ADAMTSL1: variants seen among roughly 807,000 people sequenced by gnomAD.
ADAMTSL1 encodes the protein ADAMTS like 1.
In ADAMTSL1, 126 loss-of-function variants were observed where a neutral mutation model predicts 201.8. That is an observed-to-expected ratio of 0.62 (90% confidence interval 0.54 to 0.72). The LOEUF (loss-of-function observed/expected upper bound fraction) is 0.72. Ranked by LOEUF, ADAMTSL1 falls within the 30% of genes least tolerant of loss-of-function variation. The pLI is 0.00. For missense variants in ADAMTSL1, 2,679 were observed against 2,277.8 expected, an observed-to-expected ratio of 1.18 and a Z score of -3.59; for synonymous variants, 1,121 against 903.4, an observed-to-expected ratio of 1.24 and a Z score of -4.32.
chr9:18,688,356 G>A (rs914149505), intron 13 of ADAMTSL1, among the ~76,000 whole-genome samples: 2 of 151,412 alleles, frequency 1.3e-5, no homozygotes, highest in Admixed American at 6.6e-5. Flanking sequence ...TTGAACTCCT[G>A]ACCTCAGGTG....
At position 18,022,903 on chromosome 9, in the gene ADAMTSL1, G is replaced by C. The variant is rs75045501; in HGVS notation, c.87+115981G>C. Among the ~76,000 whole-genome samples the C allele has an allele frequency of 9.8e-3, 1,496 of 152,142 alleles. 21 individuals are homozygous for C. Among genetic ancestry groups the C allele is most frequent in the African/African-American group, 0.034 (1,420 of 41,520 alleles). On this transcript the variant is annotated intron_variant, in intron 1 of 29. Transcript: ENST00000680146. Reference sequence around the variant, plus strand: ...CCCTATCATGTTGCCTAGGTAAGAAGTGATCAAGATCACCAGCTCACTGGC... The same window carrying C: ...CCCTATCATGTTGCCTAGGTAAGAACTGATCAAGATCACCAGCTCACTGGC...
At chr9:18,825,866 C>T (rs921603025) in intron 21 of ADAMTSL1, among the ~76,000 whole-genome samples, 4 of 151,974 alleles carry the variant, frequency 2.6e-5, no homozygotes, top group African/African-American at 9.7e-5. Context: ...CATGTAGTTT[C>T]ATTTTCACTG....
chr9:18,040,030 A>G (rs1236693165), intron 1 of ADAMTSL1, among the ~76,000 whole-genome samples: 2 of 152,132 alleles, frequency 1.3e-5, no homozygotes, highest in Non-Finnish European at 2.9e-5. Context: ...GTCCTGACTT[A>G]TGCCTATGTC....
At chr9:18,754,565 G>A (rs1819636354) in intron 16 of ADAMTSL1, among the ~76,000 whole-genome samples, 1 of 152,204 alleles carries the variant, frequency 6.6e-6, no homozygotes, top group Non-Finnish European at 1.5e-5. Flanking sequence ...GAAAAGGAGA[G>A]AGGACGACAG....
chr9:18,816,771 A>G (rs1228363957), intron 20 of ADAMTSL1, among the ~76,000 whole-genome samples: 4 of 77,458 alleles, frequency 5.2e-5, no homozygotes, highest in African/African-American at 1.6e-4. Context: ...CATTTTTTAA[A>G]TTTAATTTAA....
At chr9:18,721,436 G>A in intron 14 of ADAMTSL1, 100 bp from the exon 15 acceptor site, 1 of 1,513,580 alleles carries the variant, frequency 6.6e-7, no homozygotes, top group Non-Finnish European at 8.9e-7. Context: ...GAGTCCTACA[G>A]AACACAGGGA....
At chr9:18,495,216 C>T (rs1330087893) in intron 1 of ADAMTSL1, among the ~76,000 whole-genome samples, 1 of 152,150 alleles carries the variant, frequency 6.6e-6, no homozygotes, top group African/African-American at 2.4e-5. Context: ...GTTGCTGACT[C>T]ACGCAGGACT....
At chr9:18,225,622 T>G (rs990024154) in intron 2 of ADAMTSL1, among the ~76,000 whole-genome samples, 2 of 152,152 alleles carry the variant, frequency 1.3e-5, no homozygotes, top group Non-Finnish European at 2.9e-5. Context: ...CTCTGACTCT[T>G]TTAGATAACC....
intron 2 of ADAMTSL1, among the ~76,000 whole-genome samples, chr9:18,411,998 G>C (rs914106295): frequency 1.3e-5 from 2 of 152,144 alleles, no homozygotes; most frequent in East Asian, 3.8e-4. Flanking sequence ...GTCTCTTAAA[G>C]CTTCTTTATA....
At position 18,159,542 on chromosome 9, in the gene ADAMTSL1, AT is replaced by A. The variant is rs556922497; in HGVS notation, c.88-4315del. On this transcript the variant is annotated intron_variant, in intron 1 of 29. Transcript: ENST00000680146. ...ATCAGCTCCCATCATAAACATTACA[AT>A]TTTTATAGCAATTATGGCTCTTCTT... Among the ~76,000 whole-genome samples, 3 of 152,124 alleles carry A rather than the reference AT, an allele frequency of 2.0e-5. No individual in the cohort carries two copies. In the South Asian group the frequency reaches 6.2e-4, roughly 32 times the overall value.
intron 1 of ADAMTSL1, among the ~76,000 whole-genome samples, chr9:18,026,739 T>A (rs1820713287): frequency 6.6e-6 from 1 of 151,902 alleles, no homozygotes; most frequent in Admixed American, 6.6e-5. Flanking sequence ...TAGAGAGGAG[T>A]CCCTCCTCCT....
chr9:18,539,143 AGG>A (rs941736095), intron 3 of ADAMTSL1, among the ~76,000 whole-genome samples: 1 of 152,158 alleles, frequency 6.6e-6, no homozygotes, highest in African/African-American at 2.4e-5. Flanking sequence ...GCTACTTGCC[AGG>A]GCCATTTATT....
At chr9:18,167,011 T>C (rs1027226217) in intron 2 of ADAMTSL1, among the ~76,000 whole-genome samples, 1 of 152,008 alleles carries the variant, frequency 6.6e-6, no homozygotes, top group Non-Finnish European at 1.5e-5. Flanking sequence ...TTTGAGAAGC[T>C]ATTTAAGTGA....
intron 4 of ADAMTSL1, among the ~76,000 whole-genome samples, chr9:18,592,252 T>C (rs1823968913): frequency 6.6e-6 from 1 of 152,172 alleles, no homozygotes; most frequent in African/African-American, 2.4e-5. Context: ...TGAGCTGTTC[T>C]TCATTGCTTG....
intron 2 of ADAMTSL1, among the ~76,000 whole-genome samples, chr9:18,423,761 A>T (rs767629338): frequency 1.3e-5 from 2 of 152,258 alleles, no homozygotes; most frequent in African/African-American, 2.4e-5. Flanking sequence ...ATCTCCTGGT[A>T]AAATGTGCAA....
At position 17,922,985 on chromosome 9, in the gene ADAMTSL1, C is replaced by G. The variant is rs534207451; in HGVS notation, c.87+16063C>G. 2.0e-5 allele frequency among the ~76,000 whole-genome samples: 3 copies of G among 152,234 alleles called. No homozygotes were observed. In the South Asian group the frequency reaches 6.2e-4, roughly 32 times the overall value. ...GGAACACAGCTTCTGTGTGTTTTTT[C>G]TTCAAGTCATCATGCCCCTGGAAGA... On this transcript the variant is annotated intron_variant, in intron 1 of 29. Coordinates refer to the ADAMTSL1 transcript ENST00000680146.
chr9:18,783,049 T>C (rs1239997332), intron 19 of ADAMTSL1, among the ~76,000 whole-genome samples: 3 of 152,194 alleles, frequency 2.0e-5, no homozygotes, highest in African/African-American at 4.8e-5. Flanking sequence ...CAGATTCACA[T>C]GGGCTAACTT....
intron 21 of ADAMTSL1, among the ~76,000 whole-genome samples, chr9:18,819,378 C>T (rs1473880326): frequency 6.6e-6 from 1 of 150,968 alleles, no homozygotes; most frequent in Non-Finnish European, 1.5e-5. Context: ...GTCACTTGAA[C>T]CTAGGAAGCA....
chr9:18,776,956 C>G lies in ADAMTSL1; in HGVS notation c.2727C>G (p.Ile909Met). 1.3e-6 allele frequency: 2 copies of G among 1,599,036 alleles called. No homozygotes were observed. Among genetic ancestry groups the G allele is most frequent in the Non-Finnish European group, 1.7e-6 (2 of 1,171,698 alleles). Residue 909 changes from isoleucine (I) to methionine (M), a missense_variant, in exon 19 of 29, where the codon ATC (isoleucine) becomes ATG (methionine). Coordinates refer to ENST00000380548, the MANE Select transcript of ADAMTSL1 (RefSeq NM_001040272.6). The stretch of plus-strand genomic sequence containing the variant: ...CGCGCAGGGTCCGCAAGCCCCTCAT[C>G]ACCTGGGAGAAGGACGGCCAGCACC... ...CPARRVRKPLITWEKDGQHLI... is the reference protein window; with the variant it reads ...CPARRVRKPLMTWEKDGQHLI...
Sources: allele counts gnomAD v4.1 joint callset (sites outside exome capture counted in the v4.1 genomes callset), GRCh38; gene constraint gnomAD v4.1.1; transcripts MANE v1.5; gene names NCBI Gene and HGNC (gene_info 2026-07-23, HGNC 2026-07-21).